Variants in ST14 observed in about 807,000 individuals in gnomAD.
ST14 encodes the protein ST14 transmembrane serine protease matriptase.
A neutral mutation model predicts 96.5 loss-of-function variants in ST14; 40 were observed. The observed-to-expected ratio is 0.41, with a 90% confidence interval of 0.32 to 0.54. ST14 has a LOEUF of 0.54. ST14 is among the 20% of genes least tolerant of loss of function. ST14 has a pLI of 0.17. For missense variants in ST14, 1,066 were observed against 1,188.9 expected, an observed-to-expected ratio of 0.90 and a Z score of 1.52; for synonymous variants, 506 against 492.1, an observed-to-expected ratio of 1.03 and a Z score of -0.37.
At chr11:130,166,422 A>AG (rs1000575038) in intron 1 of ST14, among the ~76,000 whole-genome samples, 7 of 152,094 alleles carry the variant, frequency 4.6e-5, no homozygotes, top group South Asian at 2.1e-4. Context: ...GCTGTGCCTA[A>AG]GGGGGGGTCT....
At chr11:130,173,078 T>G (rs112860387) in intron 1 of ST14, among the ~76,000 whole-genome samples, 2,368 of 152,250 alleles carry the variant, frequency 0.016, 24 homozygotes, top group Non-Finnish European at 0.025. Flanking sequence ...GGCAAATACT[T>G]TTCTCTGTGC....
intron 16 of ST14, among the ~76,000 whole-genome samples, chr11:130,202,489 G>C (rs672442): frequency 1.3e-5 from 2 of 152,018 alleles, no homozygotes; most frequent in South Asian, 2.1e-4. Context: ...TGAGGGACTC[G>C]GGGGGTGACT....
rs779497023 is a variant in ST14, at chr11:130,189,870, T to C, written c.572T>C (p.Phe191Ser). The change falls in exon 5 of 19, where the codon TTT (phenylalanine) becomes TCT (serine). Residue 191 changes from phenylalanine to serine, a missense_variant. Phe to Ser is a radical substitution (Grantham distance 155). Coordinates refer to ENST00000278742, the MANE Select transcript of ST14 (RefSeq NM_021978.4). ...LPPRARSLKS[F>S]VVTSVVAFPT... ...CCGCGGGCGCGCTCCCTGAAGTCCT[T>C]TGTGGTCACCTCAGTGGTGGCTTTC... The C allele has an allele frequency of 1.2e-6, 2 of 1,613,816 alleles. No homozygotes were observed. The highest frequency in any genetic ancestry group is 2.2e-5 in the East Asian group (1 of 44,856).
chr11:130,194,580 T>G (rs1953338402), intron 8 of ST14, 60 bp from the exon 9 acceptor site: 29 of 1,554,036 alleles, frequency 1.9e-5, no homozygotes, highest in Admixed American at 3.4e-5. Context: ...AGAGCCCTCG[T>G]CCGCCTGCTC....
At chr11:130,171,144 T>C (rs1241202770) in intron 1 of ST14, among the ~76,000 whole-genome samples, 1 of 152,188 alleles carries the variant, frequency 6.6e-6, no homozygotes, top group African/African-American at 2.4e-5. Context: ...CTCTTGTTTT[T>C]TGTTTCTTTT....
At position 130,197,834 on chromosome 11, in the gene ST14, C is replaced by T; in HGVS notation, c.1355-7C>T. 6.4e-7 allele frequency: 1 copy of T among 1,560,600 alleles called. No homozygotes were observed. Among genetic ancestry groups the T allele is most frequent in the Non-Finnish European group, 8.6e-7 (1 of 1,156,374 alleles). ...GCTGGGGGCCTCAGGCCTGCCTGTG[C>T]CCGCAGCATGCCCGGGGCAGTTCAC... is the stretch of plus-strand genomic sequence containing the variant. On this transcript the variant is annotated splice_region_variant and splice_polypyrimidine_tract_variant and intron_variant, in intron 11 of 18. Coordinates refer to ENST00000278742, the MANE Select transcript of ST14 (RefSeq NM_021978.4).
chr11:130,194,878 GTA>G (rs1409824187), intron 9 of ST14, 141 bp downstream of exon 9: 6 of 799,398 alleles, frequency 7.5e-6, no homozygotes, highest in Non-Finnish European at 1.2e-5. Context: ...GTGTGTGTGC[GTA>G]TGTGTGTGTG....
intron 1 of ST14, among the ~76,000 whole-genome samples, chr11:130,166,427 G>C (rs1032732045): frequency 6.6e-6 from 1 of 152,174 alleles, no homozygotes; most frequent in Non-Finnish European, 1.5e-5. Flanking sequence ...GCCTAAGGGG[G>C]GGTCTGTTCT....
intron 17 of ST14, 100 bp from the exon 18 acceptor site, chr11:130,209,342 T>G (rs1953523086): frequency 6.7e-7 from 1 of 1,496,036 alleles, no homozygotes; most frequent in African/African-American, 1.4e-5. Context: ...GCATCTGGGC[T>G]GTTCCAGAGT....
chr11:130,191,162 G>T (rs1490390591), intron 7 of ST14, among the ~76,000 whole-genome samples: 3 of 152,116 alleles, frequency 2.0e-5, no homozygotes, highest in African/African-American at 7.2e-5. Flanking sequence ...ACTAGCCTGG[G>T]CAACAAGACT....
At chr11:130,206,438 G>T (rs1427040251) in intron 16 of ST14, among the ~76,000 whole-genome samples, 2 of 152,034 alleles carry the variant, frequency 1.3e-5, no homozygotes, top group African/African-American at 4.8e-5. Flanking sequence ...CGGCGTCTCA[G>T]CGTCCGTTGG....
chr11:130,196,181 AC>A (rs1219239691), intron 9 of ST14, among the ~76,000 whole-genome samples, 157 bp from the exon 10 acceptor site: 6 of 151,782 alleles, frequency 4.0e-5, no homozygotes, highest in South Asian at 2.1e-4. Flanking sequence ...AAACAAACAA[AC>A]AAACAAACAA....
In ST14 at chr11:130,199,045, G is replaced by A. The variant is rs755591915; in HGVS notation, c.1783G>A (p.Asp595Asn). 12 of 1,613,802 alleles carry A rather than the reference G, an allele frequency of 7.4e-6. No homozygotes were observed. Among genetic ancestry groups the A allele is most frequent in the East Asian group, 2.2e-5 (1 of 44,876 alleles). Residue 595 changes from aspartate to asparagine, a missense_variant, in exon 15 of 19, where the codon GAC becomes AAC. Transcript: ENST00000278742. ...GTGTGACGGGAAGGAGGACTGTAGC[G>A]ACGGCTCAGATGAGAAGGACTGCGG... ...PECDGKEDCS[D>N]GSDEKDCDCG... is the part of the protein sequence containing the mutation.
intron 16 of ST14, among the ~76,000 whole-genome samples, chr11:130,202,702 C>T (rs376647508): frequency 6.6e-5 from 10 of 152,284 alleles, no homozygotes; most frequent in Non-Finnish European, 8.8e-5. Flanking sequence ...TGCCGGGAGG[C>T]GGCATCACGT....
intron 7 of ST14, among the ~76,000 whole-genome samples, chr11:130,190,917 A>C (rs1437965745): frequency 1.3e-5 from 2 of 152,242 alleles, no homozygotes; most frequent in Non-Finnish European, 2.9e-5. Context: ...AAGGCTCTAT[A>C]GTCCCCAGAT....
chr11:130,170,811 C>T (rs530308000), intron 1 of ST14, among the ~76,000 whole-genome samples: 1 of 152,004 alleles, frequency 6.6e-6, no homozygotes, highest in African/African-American at 2.4e-5. Context: ...CTCTTGGGCC[C>T]AAGAAGTGGG....
At chr11:130,177,817 T>C (rs898863285) in intron 1 of ST14, among the ~76,000 whole-genome samples, 3 of 152,382 alleles carry the variant, frequency 2.0e-5, no homozygotes, top group African/African-American at 7.2e-5. Context: ...CGGCTTGATT[T>C]CTAATTTAAG....
chr11:130,188,745 C>A lies in ST14; in HGVS notation c.369+88C>A. The A allele has an allele frequency of 6.2e-7, 1 of 1,611,186 alleles. No individual in the cohort carries two copies. The highest frequency in any genetic ancestry group is 1.7e-5 in the Admixed American group (1 of 59,894). ...GGAGGGACATGCCTCGCCTGTGCTC[C>A]CAGGGCCCTGGGATGGGGGTGATCT... On this transcript the variant is annotated intron_variant, in intron 3 of 18. Transcript: ENST00000278742. This position sits in a 1 kb window ranked among gnomAD's most constrained non-coding sequence, Gnocchi z 5.4.
At chr11:130,191,551 G>A (rs1031321074) in intron 7 of ST14, among the ~76,000 whole-genome samples, 5 of 151,936 alleles carry the variant, frequency 3.3e-5, no homozygotes, top group Admixed American at 6.6e-5. Flanking sequence ...TCAGCTGGGT[G>A]TGGTGGCGGG....
Sources: allele counts gnomAD v4.1 joint callset (sites outside exome capture counted in the v4.1 genomes callset), GRCh38; gene constraint gnomAD v4.1.1; non-coding constraint Gnocchi (gnomAD v3.1); transcripts MANE v1.5; gene names NCBI Gene and HGNC (gene_info 2026-07-23, HGNC 2026-07-21).